The following PHF24 variants were observed in gnomAD, a reference collection of about 807,000 sequenced individuals.
The protein encoded by PHF24 is Galpha inhibitory interacting protein.
Under a neutral mutation model 42.6 loss-of-function variants are expected in PHF24, and 25 were observed. The ratio of observed to expected loss-of-function variants is 0.59; its 90% CI spans 0.43 to 0.82. The LOEUF (loss-of-function observed/expected upper bound fraction) is 0.82, where lower values mean the gene tolerates loss of function less well. Among genes scored for constraint, PHF24 ranks in the 40% least tolerant of loss-of-function variants. The pLI is 0.00. For synonymous variants in PHF24, 185 were observed against 204.8 expected (o/e 0.90, Z 0.83); for missense variants, 470 against 538.1 (o/e 0.87, Z 1.25).
the PHF24 span, among the ~76,000 whole-genome samples, chr9:34,701,110 C>A: frequency 6.6e-6 from 1 of 152,126 alleles, no homozygotes; most frequent in Non-Finnish European, 1.5e-5. The surrounding 1 kb of genome is among the most constrained non-coding windows in gnomAD (Gnocchi z 5.8). Flanking sequence ...CAGCTCAGGG[C>A]GATCAACCCA....
At chr9:34,776,901 A>C in the PHF24 span, among the ~76,000 whole-genome samples, 1 of 152,288 alleles carries the variant, frequency 6.6e-6, no homozygotes, top group African/African-American at 2.4e-5. Flanking sequence ...GATGTATCTA[A>C]GGTGTTGGTT....
the PHF24 span, among the ~76,000 whole-genome samples, chr9:34,687,058 G>T: frequency 6.6e-6 from 1 of 151,912 alleles, no homozygotes; most frequent in Non-Finnish European, 1.5e-5. Flanking sequence ...TGGTATGGTT[G>T]GGGGGTGGGA....
At chr9:34,869,002 G>A in the PHF24 span, among the ~76,000 whole-genome samples, 2 of 152,206 alleles carry the variant, frequency 1.3e-5, no homozygotes, top group African/African-American at 2.4e-5. Flanking sequence ...AGAACATGCA[G>A]TGTTTGGTTT....
At chr9:34,945,992 T>A in the PHF24 span, among the ~76,000 whole-genome samples, 1 of 152,182 alleles carries the variant, frequency 6.6e-6, no homozygotes, top group Non-Finnish European at 1.5e-5. Flanking sequence ...TGCAATCACT[T>A]GTTGGCTGAG....
the PHF24 span, among the ~76,000 whole-genome samples, chr9:34,696,013 G>A: frequency 6.6e-6 from 1 of 152,118 alleles, no homozygotes; most frequent in Non-Finnish European, 1.5e-5. Context: ...ACTATCACTC[G>A]TGAGGCATGG....
chr9:34,978,159 CT>C, exon 8 of PHF24: 1 of 1,420,076 alleles, frequency 7.0e-7, no homozygotes, highest in East Asian at 2.3e-5. Flanking sequence ...CCTCTCCCTC[CT>C]TTCCTTTCTC....
At chr9:34,938,639 T>C in the PHF24 span, among the ~76,000 whole-genome samples, 5 of 152,194 alleles carry the variant, frequency 3.3e-5, no homozygotes, top group Admixed American at 3.3e-4. Flanking sequence ...AAAAAAGCCA[T>C]GAGCCTGTTG....
chr9:34,709,877 C>A, the PHF24 span: 1 of 1,614,228 alleles, frequency 6.2e-7, no homozygotes, highest in Non-Finnish European at 8.5e-7. Flanking sequence ...AGGCAACAGT[C>A]CTGAGCCCCT....
the PHF24 span, among the ~76,000 whole-genome samples, chr9:34,766,044 C>T: frequency 1.3e-5 from 2 of 152,102 alleles, no homozygotes; most frequent in Non-Finnish European, 2.9e-5. Flanking sequence ...TCTCTTCTGG[C>T]TTGTAGAGTT....
chr9:34,931,192 T>C, the PHF24 span, among the ~76,000 whole-genome samples: 1 of 151,796 alleles, frequency 6.6e-6, no homozygotes. Context: ...CTGGCTAACA[T>C]GGTGAAACCC....
chr9:34,906,090 A>AG, the PHF24 span, among the ~76,000 whole-genome samples: 1 of 151,900 alleles, frequency 6.6e-6, no homozygotes, highest in African/African-American at 2.4e-5. Context: ...AGAAACAGGG[A>AG]GGGGGGAAAG....
chr9:34,827,551 A>ACCT, the PHF24 span, among the ~76,000 whole-genome samples: 147,510 of 151,996 alleles, frequency 0.97, 71,632 homozygotes, highest in Non-Finnish European at 0.99. Context: ...AAGTACTGCC[A>ACCT]CCTCCTCCTC....
chr9:34,742,669 A>ATCCTCC, the PHF24 span, among the ~76,000 whole-genome samples: 4 of 151,980 alleles, frequency 2.6e-5, no homozygotes, highest in African/African-American at 9.7e-5. Context: ...GACTCAAGAG[A>ATCCTCC]TCCTCCTGCC....
chr9:34,971,686 C>T lies in PHF24; in HGVS notation c.378+10C>T. Reference sequence around the variant, plus strand: ...GGAGCCCAGAGAGCCTGTGAGTATCCAGTTAGGACAGGATCCTCAAGTCTT... The same window carrying T: ...GGAGCCCAGAGAGCCTGTGAGTATCTAGTTAGGACAGGATCCTCAAGTCTT... On this transcript the variant is annotated intron_variant, in intron 2 of 7. Coordinates refer to ENST00000242315, the Ensembl canonical transcript of PHF24. 2.5e-6 allele frequency: 4 copies of T among 1,593,402 alleles called. No homozygotes were observed. The highest frequency in any genetic ancestry group is 3.4e-6 in the Non-Finnish European group (4 of 1,167,818).
chr9:34,674,533 A>G, the PHF24 span, among the ~76,000 whole-genome samples: 1 of 152,290 alleles, frequency 6.6e-6, no homozygotes, highest in Non-Finnish European at 1.5e-5. Context: ...TCATAGATAT[A>G]TTTAAATGAA....
chr9:34,779,089 G>A, the PHF24 span, among the ~76,000 whole-genome samples: 1 of 152,026 alleles, frequency 6.6e-6, no homozygotes, highest in African/African-American at 2.4e-5. Flanking sequence ...CGTATGGAAA[G>A]CAGCAAAAGC....
At chr9:34,952,135 A>T in the PHF24 span, among the ~76,000 whole-genome samples, 2 of 152,214 alleles carry the variant, frequency 1.3e-5, no homozygotes, top group Non-Finnish European at 2.9e-5. Flanking sequence ...CTGCATGAAA[A>T]CACATTTTGT....
the PHF24 span, among the ~76,000 whole-genome samples, chr9:34,846,860 CT>C: frequency 6.6e-6 from 1 of 152,144 alleles, no homozygotes. Flanking sequence ...ATAGGGAATC[CT>C]TTCCCCATTG....
At chr9:34,970,001 A>G (rs1278187643) in intron 1 of PHF24, among the ~76,000 whole-genome samples, 2 of 152,142 alleles carry the variant, frequency 1.3e-5, no homozygotes, top group African/African-American at 2.4e-5. Context: ...TTGGTTTCTA[A>G]TATTAAGTAG....
Sources: gnomAD v4.1 joint callset for allele counts (sites outside exome capture counted in the v4.1 genomes callset) on GRCh38, gnomAD v4.1.1 for gene constraint, Gnocchi (gnomAD v3.1) non-coding constraint, MANE v1.5 for transcripts, NCBI Gene and HGNC (gene_info 2026-07-23, HGNC 2026-07-21) for gene names.